The following TSPEAR variants were observed in gnomAD, a reference collection of about 807,000 sequenced individuals.
TSPEAR encodes the protein thrombospondin-type laminin G domain and EAR repeat-containing protein.
Under a neutral mutation model 71.6 loss-of-function variants are expected in TSPEAR, and 69 were observed. The observed-to-expected ratio is 0.96, with a 90% CI of 0.79 to 1.18. The LOEUF is 1.18. TSPEAR is among the 50% of genes most tolerant of loss of function. TSPEAR has a pLI of 0.00. For missense variants in TSPEAR, 971 were observed against 894.9 expected, an observed-to-expected ratio of 1.09 and a Z score of -1.09; for synonymous variants, 402 against 387.2, an observed-to-expected ratio of 1.04 and a Z score of -0.45.
rs782543623 is a variant in TSPEAR at position 44,558,049 on chromosome 21, G to A, written c.303+9736C>T. ...AACTCTGGAGAAACGGGACCTGCCCGTCAGCAGCTGGACTTCTGGCCTGAG... is the reference window on the plus strand; with the variant it reads ...AACTCTGGAGAAACGGGACCTGCCCATCAGCAGCTGGACTTCTGGCCTGAG... On this transcript the variant is annotated intron_variant, in intron 2 of 11. Coordinates refer to ENST00000323084, the MANE Select transcript of TSPEAR (RefSeq NM_144991.3). The A allele has an allele frequency of 1.5e-5, 24 of 1,600,478 alleles. No individual in the cohort carries two copies. The East Asian group carries it at 1.6e-4, about 10-fold the overall frequency.
intron 11 of TSPEAR, among the ~76,000 whole-genome samples, chr21:44,503,159 CGGTGAGCCCTTGGGTGGAAGCCGGCCTT>C (rs1569147613): frequency 8.7e-6 from 1 of 115,420 alleles, no homozygotes; most frequent in African/African-American, 3.5e-5. Flanking sequence ...AGGCCGGCCT[CGGTGAGCCCTTGGGTGGAAGCCGGCCTT>C]GGTGAGCCCA....
In TSPEAR at chr21:44,571,282, T is replaced by G. The variant is rs188456197; in HGVS notation, c.83-3277A>C. On this transcript the variant is annotated intron_variant, in intron 1 of 11. Transcript: ENST00000323084. ...CCAGGCTGATCTCAAACTCCTGGCCTTAAATAATCCTCCTGCCTTGGCCTC... is the reference window on the plus strand; with the variant it reads ...CCAGGCTGATCTCAAACTCCTGGCCGTAAATAATCCTCCTGCCTTGGCCTC... 1.9e-3 allele frequency among the ~76,000 whole-genome samples: 285 copies of G among 152,376 alleles called. 1 individual carries two copies. The highest frequency in any genetic ancestry group is 6.5e-3 in the African/African-American group (271 of 41,596).
rs1461855251 is a variant in TSPEAR, at chr21:44,711,340, G to A, written c.82+93C>T. ...AAAGCGTCCTCGGGCACCGCGGCTT[G>A]AATCAGTGTTAGAAAGTGGCATTTG... On this transcript the variant is annotated intron_variant, in intron 1 of 11. Transcript: ENST00000323084. The surrounding 1 kb of genome is among the most constrained non-coding windows in gnomAD (Gnocchi z 4.5). 4 of 1,206,464 alleles carry A rather than the reference G, an allele frequency of 3.3e-6. No individual in the cohort carries two copies. Among genetic ancestry groups the A allele is most frequent in the Non-Finnish European group, 3.5e-6 (3 of 854,614 alleles). The allele number at this position is 1,206,464 out of a possible 1,614,324, so 74.7% of individuals were successfully genotyped here. A position where few individuals can be genotyped will look rare whatever the true frequency, so the allele number is the denominator to read the frequency against.
chr21:44,581,616 C>T (rs1978975542), intron 1 of TSPEAR, among the ~76,000 whole-genome samples: 2 of 152,264 alleles, frequency 1.3e-5, no homozygotes, highest in South Asian at 4.2e-4. Context: ...CATTATTTTA[C>T]TTTCTGTGGT....
chr21:44,591,424 C>A (rs1569205513), intron 1 of TSPEAR: 1 of 1,613,016 alleles, frequency 6.2e-7, no homozygotes, highest in Non-Finnish European at 8.5e-7. Flanking sequence ...GAGGCTGTAG[C>A]AGGCAGGGCG....
rs782251764 is a variant in TSPEAR, at chr21:44,499,856, G to A, written c.1937C>T (p.Thr646Met). The change falls in exon 12 of 12, where the codon ACG becomes ATG. Residue 646 changes from threonine to methionine, a missense_variant. Transcript: ENST00000323084. ...GGAGTAGATGAGGTAGGCACCAGCC[G>A]TGGTGCTGAAGGCCTCCCAGTCCCT... ...GCRDWEAFST[T>M]AGAYLIYSSA... 60 of 1,602,488 alleles carry A rather than the reference G, an allele frequency of 3.7e-5. No homozygotes were observed. Among genetic ancestry groups the A allele is most frequent in the Middle Eastern group, 1.7e-4 (1 of 5,858 alleles).
chr21:44,592,036 G>C (rs782488162), intron 1 of TSPEAR: 3 of 1,596,370 alleles, frequency 1.9e-6, no homozygotes. Flanking sequence ...CTGCTGGCAG[G>C]GGGAGGAGGT....
At chr21:44,577,219 G>A (rs1369540314) in intron 1 of TSPEAR, among the ~76,000 whole-genome samples, 4 of 152,214 alleles carry the variant, frequency 2.6e-5, no homozygotes, top group Non-Finnish European at 5.9e-5. Context: ...TCCAGCTTAA[G>A]AAGCTAAAGA....
At chr21:44,643,210 A>G (rs148383010) in intron 1 of TSPEAR, among the ~76,000 whole-genome samples, 1 of 152,294 alleles carries the variant, frequency 6.6e-6, no homozygotes, top group Non-Finnish European at 1.5e-5. Context: ...TAAAAAAGCC[A>G]AGTTCACCAA....
At chr21:44,622,391 G>T (rs56366439) in intron 1 of TSPEAR, among the ~76,000 whole-genome samples, 2,607 of 152,170 alleles carry the variant, frequency 0.017, 69 homozygotes, top group African/African-American at 0.059. Flanking sequence ...CACTGTATTA[G>T]TTCCTTGGGC....
At position 44,627,106 on chromosome 21, in the gene TSPEAR, C is replaced by A. The variant is rs782536568; in HGVS notation, c.83-59101G>T. 57 of 1,574,146 alleles carry A rather than the reference C, an allele frequency of 3.6e-5. 1 individual carries two copies. Among genetic ancestry groups the A allele is most frequent in the Non-Finnish European group, 4.7e-5 (54 of 1,158,292 alleles). On this transcript the variant is annotated intron_variant, in intron 1 of 11. Coordinates refer to ENST00000323084, the MANE Select transcript of TSPEAR (RefSeq NM_144991.3). Reference sequence around the variant, plus strand: ...CCCAAGAACCTCACACACTCACAAACTCACTCACTGACACACTCACACACT... The same window carrying A: ...CCCAAGAACCTCACACACTCACAAAATCACTCACTGACACACTCACACACT...
At chr21:44,518,482 C>T (rs1217121227) in intron 9 of TSPEAR, 6 of 388,830 alleles carry the variant, frequency 1.5e-5, no homozygotes, top group African/African-American at 1.1e-4. Flanking sequence ...ACTCCCCAAC[C>T]CACTGCAGGG....
At chr21:44,556,979 T>C (rs1042185501) in intron 2 of TSPEAR, among the ~76,000 whole-genome samples, 1 of 152,110 alleles carries the variant, frequency 6.6e-6, no homozygotes, top group Non-Finnish European at 1.5e-5. Flanking sequence ...TGTTACACTA[T>C]GAAAAAGTGA....
chr21:44,551,319 C>T, intron 2 of TSPEAR: 1 of 1,613,308 alleles, frequency 6.2e-7, no homozygotes, highest in Non-Finnish European at 8.5e-7. Flanking sequence ...CACTGGGGTG[C>T]AGACCAGGGT....
At chr21:44,568,063 A>G (rs2053726638) in intron 1 of TSPEAR, 58 bp from the exon 2 acceptor site, 15 of 1,370,854 alleles carry the variant, frequency 1.1e-5, no homozygotes, top group East Asian at 4.9e-5. Context: ...GTGGATACCC[A>G]TAACAGCCAA....
intron 1 of TSPEAR, among the ~76,000 whole-genome samples, chr21:44,640,927 G>T (rs1447269797): frequency 6.6e-6 from 1 of 152,170 alleles, no homozygotes; most frequent in Non-Finnish European, 1.5e-5. Flanking sequence ...GAAGGGTGGG[G>T]TTGGCCCAGG....
intron 1 of TSPEAR, among the ~76,000 whole-genome samples, chr21:44,599,170 C>CTCTCTCTCTCTCTCTCTCTCTCTCTA (rs1555928004): frequency 8.0e-6 from 1 of 124,480 alleles, no homozygotes; most frequent in African/African-American, 3.6e-5. Flanking sequence ...CTCTCTCTCT[C>CTCTCTCTCTCTCTCTCTCTCTCTCTA]TCCTTCCATC....
chr21:44,653,770 A>G (rs1488319328), intron 1 of TSPEAR, among the ~76,000 whole-genome samples: 1 of 152,216 alleles, frequency 6.6e-6, no homozygotes, highest in African/African-American at 2.4e-5. Flanking sequence ...GGGACGAAGG[A>G]AGCCTGATGT....
At chr21:44,614,408 G>T (rs1981935235) in intron 1 of TSPEAR, among the ~76,000 whole-genome samples, 1 of 152,230 alleles carries the variant, frequency 6.6e-6, no homozygotes, top group African/African-American at 2.4e-5. Flanking sequence ...GTCCCCAGGG[G>T]GCTGTCAGGG....
Sources: gnomAD v4.1 joint callset for allele counts (sites outside exome capture counted in the v4.1 genomes callset) on GRCh38, gnomAD v4.1.1 for gene constraint, Gnocchi (gnomAD v3.1) non-coding constraint, MANE v1.5 for transcripts, NCBI Gene and HGNC (gene_info 2026-07-23, HGNC 2026-07-21) for gene names.